Variants in NID2 observed in about 807,000 individuals in gnomAD.
NID2 encodes the protein nidogen 2, also known as nidogen-2.
A neutral mutation model predicts 145.4 loss-of-function variants in NID2; 83 were observed. The ratio of observed to expected loss-of-function variants is 0.57; its 90% confidence interval spans 0.48 to 0.69. The LOEUF (loss-of-function observed/expected upper bound fraction) is 0.69, where lower values mean the gene tolerates loss of function less well. Ranked by LOEUF, NID2 falls within the 30% of genes least tolerant of loss-of-function variation. The probability of loss-of-function intolerance (pLI) is 0.00; values close to 1 mark genes in which losing one functional copy is unlikely to be tolerated. For missense variants in NID2, 1,807 were observed against 1,765.7 expected (o/e 1.02, Z -0.42); for synonymous variants, 739 against 701.3 (o/e 1.05, Z -0.85).
intron 10 of NID2, among the ~76,000 whole-genome samples, chr14:52,029,137 AT>A (rs923916097): frequency 2.6e-5 from 4 of 152,086 alleles, no homozygotes; most frequent in African/African-American, 9.7e-5. Context: ...AAAACCAACA[AT>A]TTTTTTTAAT....
rs1893326851 is a variant in NID2 at position 52,068,962 on chromosome 14, C to G, written c.33G>C (p.Val11=). The G allele has an allele frequency of 6.2e-7, 1 of 1,612,890 alleles. No individual in the cohort carries two copies. Among genetic ancestry groups the G allele is most frequent in the African/African-American group, 1.3e-5 (1 of 75,062 alleles). The change falls in exon 1 of 22, where the codon GTG becomes GTC. Residue 11 remains valine (V), a synonymous_variant. Transcript: ENST00000216286. Reference sequence around the variant, plus strand: ...GCAGTAGCACTGGTAACGACGACAGCACCGGCCGCCCGGCCACCCGGTCCC... The same window carrying G: ...GCAGTAGCACTGGTAACGACGACAGGACCGGCCGCCCGGCCACCCGGTCCC... MEGDRVAGRP[V]LSSLPVLLLL... is the part of the protein sequence containing the mutation.
chr14:52,054,010 G>A lies in NID2; in HGVS notation c.1069+10C>T, dbSNP rs770348925. 5 of 1,611,802 alleles carry A rather than the reference G, an allele frequency of 3.1e-6. No homozygotes were observed. In the Admixed American group the frequency reaches 6.7e-5, roughly 22 times the overall value. The stretch of plus-strand genomic sequence containing the variant: ...GGAGGACAGATCAGAATCTGGAGGG[G>A]AGATCCTACCCTCTAAAGGCTTTGT... On this transcript the variant is annotated intron_variant, in intron 4 of 21. Coordinates refer to ENST00000216286, the MANE Select transcript of NID2 (RefSeq NM_007361.4).
intron 12 of NID2, among the ~76,000 whole-genome samples, chr14:52,024,884 A>G (rs1443151432): frequency 6.6e-6 from 1 of 152,180 alleles, no homozygotes; most frequent in South Asian, 2.1e-4. Context: ...CAGGACAAGT[A>G]GAAGAAAAAA....
intron 18 of NID2, 110 bp downstream of exon 18, chr14:52,010,766 C>A: frequency 9.6e-7 from 1 of 1,038,026 alleles, no homozygotes; most frequent in Non-Finnish European, 1.4e-6. Context: ...TACATGAATG[C>A]ATTTGAGCTT....
At chr14:52,017,292 C>G (rs1406186874) in intron 14 of NID2, among the ~76,000 whole-genome samples, 1 of 152,144 alleles carries the variant, frequency 6.6e-6, no homozygotes, top group Non-Finnish European at 1.5e-5. Flanking sequence ...CTTTTCAACC[C>G]AACCATGAAT....
In NID2 at chr14:52,054,266, G is replaced by C; in HGVS notation, c.823C>G (p.Pro275Ala). ...GCAGCTGGCCTGACATTGTCCAACG[G>C]GGAAGTGCTGCCGATATGGAAAGCC... ...VWAFHIGSTSPLDNVRPAAVG... is the reference protein window; with the variant it reads ...VWAFHIGSTSALDNVRPAAVG... The change falls in exon 4 of 22, where the codon CCG becomes GCG. Residue 275 changes from proline to alanine, a missense_variant. Coordinates refer to ENST00000216286, the MANE Select transcript of NID2 (RefSeq NM_007361.4). 2 of 1,614,162 alleles carry C rather than the reference G, an allele frequency of 1.2e-6. No individual in the cohort carries two copies. Among genetic ancestry groups the C allele is most frequent in the Non-Finnish European group, 1.7e-6 (2 of 1,180,018 alleles).
rs140296210 is a variant in NID2, at chr14:52,040,714, C to G, written c.1963G>C (p.Val655Leu). The G allele has an allele frequency of 7.4e-6, 12 of 1,613,970 alleles. No homozygotes were observed. Among genetic ancestry groups the G allele is most frequent in the Non-Finnish European group, 1.0e-5 (12 of 1,180,002 alleles). Residue 655 changes from valine to leucine, a missense_variant, in exon 8 of 22, where the codon GTC becomes CTC. By Grantham distance (32) the Val-to-Leu change is conservative. Coordinates refer to ENST00000216286, the MANE Select transcript of NID2 (RefSeq NM_007361.4). ...ATGTGGGCTGTGAAATTTGCTGAGA[C>G]GTAAGGCACCTGGCCTTGAATGTTG... ...KTNIQGQVPY[V>L]SANFTAHISP...
chr14:52,054,381 T>C, intron 3 of NID2, 60 bp from the exon 4 acceptor site: 1 of 1,509,008 alleles, frequency 6.6e-7, no homozygotes. Flanking sequence ...TTCACCCACC[T>C]TCCTAGAAGG....
intron 3 of NID2, among the ~76,000 whole-genome samples, chr14:52,056,441 G>A (rs1218044710): frequency 2.0e-5 from 3 of 152,142 alleles, no homozygotes; most frequent in Non-Finnish European, 1.5e-5. Context: ...GTTACAAAAT[G>A]GGATGACAAT....
chr14:52,041,997 T>G, intron 7 of NID2, 108 bp downstream of exon 7: 2 of 1,387,732 alleles, frequency 1.4e-6, no homozygotes, highest in Non-Finnish European at 1.9e-6. Flanking sequence ...TCTAGTACAT[T>G]AAACAAGTGA....
intron 14 of NID2, 47 bp downstream of exon 14, chr14:52,019,014 C>T (rs371402626): frequency 1.7e-5 from 25 of 1,474,782 alleles, no homozygotes; most frequent in Middle Eastern, 3.5e-4. Context: ...TATGATCTAC[C>T]TACCACCAGT....
At chr14:52,037,958 A>G (rs906477358) in intron 9 of NID2, among the ~76,000 whole-genome samples, 6 of 152,356 alleles carry the variant, frequency 3.9e-5, no homozygotes, top group Admixed American at 2.0e-4. Context: ...CTGATCTTGC[A>G]TATCTTATAA....
intron 2 of NID2, 64 bp downstream of exon 2, chr14:52,067,794 G>A: frequency 6.4e-7 from 1 of 1,566,066 alleles, no homozygotes; most frequent in Admixed American, 1.7e-5. Flanking sequence ...TCCCTGGGTC[G>A]CTGCCCCAGA....
rs1267846807 is a variant in NID2, at chr14:52,068,947, T to A, written c.48A>T (p.Pro16=). ...TTAGCAACGGCAGCAGCAGTAGCAC[T>A]GGTAACGACGACAGCACCGGCCGCC... ...VAGRPVLSSL[P]VLLLLPLLML... Residue 16 remains proline, a synonymous_variant, in exon 1 of 22, where the codon CCA becomes CCT. Transcript: ENST00000216286. 9.3e-6 allele frequency: 15 copies of A among 1,613,414 alleles called. No homozygotes were observed. The African/African-American group carries it at 9.3e-5, about 10-fold the overall frequency.
chr14:52,005,391 CAATTCCTTTTTT>C lies in NID2; in HGVS notation c.*83_*94del. The C allele has an allele frequency of 7.9e-7, 1 of 1,260,916 alleles. No homozygotes were observed. Among genetic ancestry groups the C allele is most frequent in the Non-Finnish European group, 1.1e-6 (1 of 933,338 alleles). 78.1% of individuals were successfully genotyped at this position (1,260,916 alleles called of 1,614,324 possible). A position where few individuals can be genotyped will look rare whatever the true frequency, so the allele number is the denominator to read the frequency against. On this transcript the variant is annotated 3_prime_UTR_variant, in exon 22 of 22. Transcript: ENST00000216286. ...TGGATGCTCAGGAACGTCTAATGGC[CAATTCCTTTTTT>C]ACTTTCTTTGCCTTTGCAGTCACTG... is the stretch of plus-strand genomic sequence containing the variant.
chr14:52,049,827 T>G (rs550581442), intron 5 of NID2, among the ~76,000 whole-genome samples: 1 of 152,128 alleles, frequency 6.6e-6, no homozygotes, highest in South Asian at 2.1e-4. Context: ...CCACTTCTGG[T>G]GAAGGGAGAG....
At chr14:52,005,884 G>GTCATTTACTAGATAA (rs776023464) in intron 20 of NID2, 35 bp from the exon 21 acceptor site, 67 of 1,456,914 alleles carry the variant, frequency 4.6e-5, no homozygotes, top group Non-Finnish European at 6.2e-5. Context: ...TTCAGGGACA[G>GTCATTTACTAGATAA]TCATTTACTA....
chr14:52,044,576 T>C (rs943200523), intron 5 of NID2, among the ~76,000 whole-genome samples: 47 of 148,990 alleles, frequency 3.2e-4, no homozygotes, highest in African/African-American at 1.2e-3. Flanking sequence ...GGCCAACAAC[T>C]CTTAATTTGC....
In NID2 at chr14:52,068,923, T is replaced by C; in HGVS notation, c.72A>G (p.Leu24=). 2 of 1,613,606 alleles carry C rather than the reference T, an allele frequency of 1.2e-6. No homozygotes were observed. The highest frequency in any genetic ancestry group is 1.7e-6 in the Non-Finnish European group (2 of 1,179,860). The change falls in exon 1 of 22, where the codon CTA becomes CTG. Residue 24 remains leucine (L), a synonymous_variant. Coordinates refer to ENST00000216286, the MANE Select transcript of NID2 (RefSeq NM_007361.4). ...GGTGCAGCGCCGCGGCCCGCAACAT[T>C]AGCAACGGCAGCAGCAGTAGCACTG... The part of the protein sequence containing the change: ...SLPVLLLLPL[L]MLRAAALHPD...
Sources: gnomAD v4.1 joint callset for allele counts (sites outside exome capture counted in the v4.1 genomes callset) on GRCh38, gnomAD v4.1.1 for gene constraint, MANE v1.5 for transcripts, NCBI Gene and HGNC (gene_info 2026-07-23, HGNC 2026-07-21) for gene names.